TBC1D22A: variants seen among roughly 807,000 people sequenced by gnomAD.
TBC1D22A encodes putative GTPase activator.
A neutral mutation model predicts 60.2 loss-of-function variants in TBC1D22A; 38 were observed. The ratio of observed to expected loss-of-function variants is 0.63; its 90% CI spans 0.49 to 0.83. TBC1D22A has a LOEUF of 0.83. Among genes scored for constraint, TBC1D22A ranks in the 40% least tolerant of loss-of-function variants. TBC1D22A has a pLI of 0.00. For missense variants in TBC1D22A, 628 were observed against 701.0 expected, an observed-to-expected ratio of 0.90 and a Z score of 1.18; for synonymous variants, 302 against 281.7, an observed-to-expected ratio of 1.07 and a Z score of -0.72.
At chr22:46,874,859 C>T (rs561453483) in intron 4 of TBC1D22A, among the ~76,000 whole-genome samples, 2 of 152,320 alleles carry the variant, frequency 1.3e-5, no homozygotes, top group African/African-American at 2.4e-5. Context: ...CAGGCGTGAG[C>T]CACTGCACCT....
At chr22:47,089,586 G>C (rs987839886) in intron 11 of TBC1D22A, among the ~76,000 whole-genome samples, 12 of 152,238 alleles carry the variant, frequency 7.9e-5, no homozygotes, top group Non-Finnish European at 1.8e-4. Context: ...GAGGAGTGAG[G>C]CCGGCAGGGT....
chr22:47,081,890 G>A (rs1370864059), intron 11 of TBC1D22A, among the ~76,000 whole-genome samples: 2 of 152,296 alleles, frequency 1.3e-5, no homozygotes, highest in South Asian at 2.1e-4. Context: ...AGGCATGGTC[G>A]CTCATGCTTG....
intron 5 of TBC1D22A, among the ~76,000 whole-genome samples, chr22:46,882,180 A>C (rs1011979348): frequency 6.6e-6 from 1 of 152,094 alleles, no homozygotes; most frequent in South Asian, 2.1e-4. Context: ...AGCAAATTGG[A>C]ATCTCTAGGG....
chr22:47,151,269 C>T (rs2067490624), intron 12 of TBC1D22A, among the ~76,000 whole-genome samples: 1 of 152,206 alleles, frequency 6.6e-6, no homozygotes, highest in African/African-American at 2.4e-5. Context: ...CGTGTACTCT[C>T]CACCTTCCCG....
At chr22:47,155,789 C>T (rs1333172793) in intron 12 of TBC1D22A, among the ~76,000 whole-genome samples, 1 of 152,256 alleles carries the variant, frequency 6.6e-6, no homozygotes, top group Non-Finnish European at 1.5e-5. Context: ...GTGGTGCGGA[C>T]GGGCGCAGCC....
intron 8 of TBC1D22A, among the ~76,000 whole-genome samples, chr22:46,949,753 G>T (rs555011814): frequency 6.6e-6 from 1 of 152,222 alleles, no homozygotes; most frequent in Non-Finnish European, 1.5e-5. Flanking sequence ...AACTGAGAAA[G>T]GAAAAGAAAG....
intron 11 of TBC1D22A, among the ~76,000 whole-genome samples, chr22:47,042,996 G>T (rs149701763): frequency 1.3e-5 from 2 of 152,190 alleles, no homozygotes; most frequent in Non-Finnish European, 2.9e-5. Context: ...CTTGGGCCCC[G>T]AATCACTCAG....
chr22:46,840,962 C>T (rs1488212897), intron 4 of TBC1D22A, among the ~76,000 whole-genome samples: 1 of 151,766 alleles, frequency 6.6e-6, no homozygotes, highest in Non-Finnish European at 1.5e-5. Context: ...TTTGTACCTT[C>T]GTGTTCATTG....
rs145692381 is a variant in TBC1D22A at position 46,940,685 on chromosome 22, AAT to A, written c.1015+28510_1015+28511del. Among the ~76,000 whole-genome samples, 354 of 131,816 alleles carry A rather than the reference AAT, an allele frequency of 2.7e-3. 11 individuals carry two copies. The East Asian group carries it at 0.078, about 29-fold the overall frequency. The allele number at this position is 131,816 out of a possible 152,430, so 86.5% of individuals were successfully genotyped here. A position where few individuals can be genotyped will look rare whatever the true frequency, so the allele number is the denominator to read the frequency against. On this transcript the variant is annotated intron_variant, in intron 8 of 12. Coordinates refer to ENST00000337137, the MANE Select transcript of TBC1D22A (RefSeq NM_014346.5). Reference sequence around the variant, plus strand: ...AACAGCATGGGGACCGGGGCACTAGAATATATATATATATGTGTGTATGTATA... The same window carrying A: ...AACAGCATGGGGACCGGGGCACTAGAATATATATATATGTGTGTATGTATA...
intron 1 of TBC1D22A, among the ~76,000 whole-genome samples, chr22:46,765,730 G>C (rs1466562285): frequency 6.6e-6 from 1 of 150,830 alleles, no homozygotes; most frequent in East Asian, 2.0e-4. Context: ...GCCTCCCAAA[G>C]TGCTGGGATT....
chr22:47,127,478 G>T (rs915085708), intron 12 of TBC1D22A, among the ~76,000 whole-genome samples: 2 of 150,382 alleles, frequency 1.3e-5, no homozygotes, highest in African/African-American at 4.9e-5. Context: ...ACCCACCCCG[G>T]CTTCCCCAAG....
chr22:46,984,833 G>A (rs1281208700), intron 9 of TBC1D22A, among the ~76,000 whole-genome samples: 1 of 152,240 alleles, frequency 6.6e-6, no homozygotes, highest in Admixed American at 6.5e-5. Flanking sequence ...GACTCGGGGT[G>A]GAGTGGACTC....
chr22:46,847,744 G>T (rs936395840), intron 4 of TBC1D22A, among the ~76,000 whole-genome samples: 2 of 152,210 alleles, frequency 1.3e-5, no homozygotes, highest in Non-Finnish European at 2.9e-5. Flanking sequence ...AGGCACCCAG[G>T]CTTGTTGGTC....
chr22:46,794,532 A>G (rs1232897878), intron 3 of TBC1D22A, among the ~76,000 whole-genome samples: 1 of 152,164 alleles, frequency 6.6e-6, no homozygotes, highest in Non-Finnish European at 1.5e-5. Flanking sequence ...CGATGAACCC[A>G]CTGTGGGCCG....
intron 4 of TBC1D22A, among the ~76,000 whole-genome samples, chr22:46,851,076 G>A (rs1409846750): frequency 1.3e-5 from 2 of 152,288 alleles, no homozygotes; most frequent in Non-Finnish European, 2.9e-5. Context: ...GGTGGTAAGG[G>A]TCGCACAGGT....
intron 11 of TBC1D22A, among the ~76,000 whole-genome samples, chr22:47,043,708 C>T (rs2062926365): frequency 6.6e-6 from 1 of 152,000 alleles, no homozygotes; most frequent in Non-Finnish European, 1.5e-5. Context: ...GAGGGTCCTC[C>T]CATAGGGCAT....
At chr22:46,921,210 A>C (rs2070737859) in intron 8 of TBC1D22A, among the ~76,000 whole-genome samples, 1 of 152,122 alleles carries the variant, frequency 6.6e-6, no homozygotes, top group Non-Finnish European at 1.5e-5. Context: ...AGTACCCGAG[A>C]GGTAGTTTCT....
intron 4 of TBC1D22A, among the ~76,000 whole-genome samples, chr22:46,878,320 A>AGTGG: frequency 1.2e-4 from 1 of 8,362 alleles, no homozygotes; most frequent in Non-Finnish European, 3.1e-4. Flanking sequence ...AGGAGGTGGG[A>AGTGG]GGGAGAGAGA....
intron 11 of TBC1D22A, among the ~76,000 whole-genome samples, chr22:47,076,747 AAAAC>A (rs1160979373): frequency 6.6e-6 from 1 of 152,008 alleles, no homozygotes; most frequent in Non-Finnish European, 1.5e-5. Context: ...CAGGTGGGGG[AAAAC>A]AAACAACAAC....
Sources: allele counts gnomAD v4.1 joint callset (sites outside exome capture counted in the v4.1 genomes callset), GRCh38; gene constraint gnomAD v4.1.1; transcripts MANE v1.5; gene names NCBI Gene and HGNC (gene_info 2026-07-23, HGNC 2026-07-21).